Variants in HMGB1 observed in about 807,000 individuals in gnomAD.
HMGB1 encodes the protein high mobility group protein B1.
For missense variants in HMGB1, 79 were observed against 253.5 expected, an observed-to-expected ratio of 0.31 and a Z score of 4.67; for synonymous variants, 81 against 84.0, an observed-to-expected ratio of 0.96 and a Z score of 0.19.
chr13:30,548,398 T>C (rs1869268641), intron 1 of HMGB1, among the ~76,000 whole-genome samples: 1 of 152,214 alleles, frequency 6.6e-6, no homozygotes, highest in African/African-American at 2.4e-5. Flanking sequence ...ATTAAACTTC[T>C]TTCCTTTATA....
chr13:30,487,973 T>G (rs1887400263), intron 1 of HMGB1, among the ~76,000 whole-genome samples: 1 of 152,224 alleles, frequency 6.6e-6, no homozygotes, highest in South Asian at 2.1e-4. Flanking sequence ...ATACTCTTAG[T>G]AGTTCTAGAG....
intron 1 of HMGB1, among the ~76,000 whole-genome samples, chr13:30,586,371 C>T (rs945689765): frequency 1.8e-4 from 28 of 151,974 alleles, no homozygotes; most frequent in African/African-American, 6.3e-4. Context: ...TTAACAAAGA[C>T]TGAACCTAGT....
At chr13:30,583,839 A>AAAGAAAGAAAG (rs1555242865) in intron 1 of HMGB1, among the ~76,000 whole-genome samples, 5 of 137,664 alleles carry the variant, frequency 3.6e-5, no homozygotes, top group African/African-American at 1.4e-4. Flanking sequence ...AAAAAAAAAA[A>AAAGAAAGAAAG]AAAGAAAGAA....
intron 1 of HMGB1, among the ~76,000 whole-genome samples, chr13:30,537,698 A>T (rs866944102): frequency 4.1e-5 from 3 of 73,974 alleles, no homozygotes; most frequent in Non-Finnish European, 9.6e-5. Context: ...TATATATATA[A>T]AATTGATGTA....
intron 1 of HMGB1, among the ~76,000 whole-genome samples, chr13:30,585,388 T>C (rs539988767): frequency 6.6e-6 from 1 of 152,074 alleles, no homozygotes; most frequent in East Asian, 1.9e-4. Flanking sequence ...GTTAAATCCA[T>C]TATAAAGAAA....
intron 1 of HMGB1, among the ~76,000 whole-genome samples, chr13:30,529,843 T>C (rs1004187216): frequency 2.6e-5 from 4 of 152,200 alleles, no homozygotes; most frequent in Non-Finnish European, 5.9e-5. Flanking sequence ...CTCTCTCTGC[T>C]TTTCCTCAAC....
chr13:30,554,467 A>T (rs1416399271), intron 1 of HMGB1: 1 of 1,005,866 alleles, frequency 9.9e-7, no homozygotes, highest in Non-Finnish European at 1.6e-6. Context: ...ATCAACTGAG[A>T]TTCTCATACA....
chr13:30,512,503 A>C (rs1888014349), intron 1 of HMGB1, among the ~76,000 whole-genome samples: 1 of 152,222 alleles, frequency 6.6e-6, no homozygotes, highest in South Asian at 2.1e-4. Flanking sequence ...CAGTAGTTTG[A>C]TTCCACAGCA....
intron 1 of HMGB1, among the ~76,000 whole-genome samples, chr13:30,593,462 T>C (rs1241065886): frequency 6.6e-6 from 1 of 152,212 alleles, no homozygotes; most frequent in Non-Finnish European, 1.5e-5. Flanking sequence ...CCCGAGTTCA[T>C]GATGAAACTA....
At chr13:30,513,547 T>A (rs1286987583) in intron 1 of HMGB1, among the ~76,000 whole-genome samples, 1 of 152,190 alleles carries the variant, frequency 6.6e-6, no homozygotes, top group Non-Finnish European at 1.5e-5. Context: ...CTGAAATCAT[T>A]CCAGAGCACT....
chr13:30,509,537 C>T (rs775109230), intron 1 of HMGB1, among the ~76,000 whole-genome samples: 38 of 152,112 alleles, frequency 2.5e-4, no homozygotes, highest in Middle Eastern at 3.4e-3. Context: ...CACGCCTGGC[C>T]GTGCCCCAAT....
intron 1 of HMGB1, among the ~76,000 whole-genome samples, chr13:30,484,725 G>A (rs1301309631): frequency 6.6e-6 from 1 of 151,822 alleles, no homozygotes; most frequent in Non-Finnish European, 1.5e-5. Flanking sequence ...GAGAGAAAGA[G>A]AGAGAGAGAA....
intron 1 of HMGB1, among the ~76,000 whole-genome samples, chr13:30,602,170 G>C (rs1390726508): frequency 6.6e-6 from 1 of 151,994 alleles, no homozygotes; most frequent in Admixed American, 6.5e-5. Flanking sequence ...TGTCACCGGG[G>C]ACACCAGCAC....
chr13:30,612,327 T>C (rs1950520421), intron 1 of HMGB1, among the ~76,000 whole-genome samples: 1 of 151,670 alleles, frequency 6.6e-6, no homozygotes, highest in Non-Finnish European at 1.5e-5. Flanking sequence ...TCAAATAGGG[T>C]GGACAGCTTG....
At chr13:30,563,647 T>C (rs1870060151) in intron 1 of HMGB1, among the ~76,000 whole-genome samples, 1 of 152,218 alleles carries the variant, frequency 6.6e-6, no homozygotes, top group South Asian at 2.1e-4. Flanking sequence ...TAAAAGCCCA[T>C]TTCTTTCTTT....
chr13:30,485,662 G>A (rs1026943972), intron 1 of HMGB1, among the ~76,000 whole-genome samples: 8 of 152,316 alleles, frequency 5.3e-5, no homozygotes, highest in South Asian at 2.1e-4. Context: ...AAGGAAAAGC[G>A]GGAGCATGAG....
chr13:30,549,658 GTA>G (rs1869331210), intron 1 of HMGB1, among the ~76,000 whole-genome samples: 1 of 151,734 alleles, frequency 6.6e-6, no homozygotes, highest in African/African-American at 2.4e-5. Flanking sequence ...GCCTCCCAAA[GTA>G]CTGGGATTAC....
intron 1 of HMGB1, among the ~76,000 whole-genome samples, chr13:30,496,353 C>A (rs1887609729): frequency 6.6e-6 from 1 of 152,240 alleles, no homozygotes; most frequent in South Asian, 2.1e-4. Context: ...TTTCCAACAA[C>A]CTGCCTAGAC....
At chr13:30,464,118 G>C in intron 1 of HMGB1, 1 of 981,306 alleles carries the variant, frequency 1.0e-6, no homozygotes, top group Non-Finnish European at 1.2e-6. Flanking sequence ...GCCTAAGCGA[G>C]TCGACTCTTC....
Sources: gnomAD v4.1 joint callset for allele counts (sites outside exome capture counted in the v4.1 genomes callset) on GRCh38, gnomAD v4.1.1 for gene constraint, MANE v1.5 for transcripts, NCBI Gene and HGNC (gene_info 2026-07-23, HGNC 2026-07-21) for gene names.